CSMD3: variants seen among roughly 807,000 people sequenced by gnomAD.
CSMD3 encodes the protein CUB and Sushi multiple domains 3, also known as CUB and sushi domain-containing protein 3.
In CSMD3, 177 loss-of-function variants were observed where a neutral mutation model predicts 435.2. The observed-to-expected ratio is 0.41, with a 90% CI of 0.36 to 0.46. The LOEUF is 0.46. CSMD3 is among the 20% of genes least tolerant of loss of function. The pLI, the probability that CSMD3 is intolerant of heterozygous loss-of-function variation, is 0.34. For synonymous variants in CSMD3, 1,656 were observed against 1,520.5 expected (o/e 1.09, Z -2.07); for missense variants, 4,265 against 4,504.6 (o/e 0.95, Z 1.52).
At chr8:113,158,081 T>C (rs919804497) in intron 4 of CSMD3, among the ~76,000 whole-genome samples, 5 of 149,658 alleles carry the variant, frequency 3.3e-5, no homozygotes, top group Non-Finnish European at 5.9e-5. Context: ...ATACCCAGAA[T>C]AGAAAAAAAT....
chr8:113,133,795 G>T (rs186822248), intron 4 of CSMD3, among the ~76,000 whole-genome samples: 1 of 151,968 alleles, frequency 6.6e-6, no homozygotes, highest in Non-Finnish European at 1.5e-5. Context: ...AAATAAATCC[G>T]TTATCAAAAT....
intron 45 of CSMD3, among the ~76,000 whole-genome samples, chr8:112,326,407 G>T (rs571340848): frequency 2.4e-4 from 37 of 152,114 alleles, no homozygotes; most frequent in Non-Finnish European, 4.9e-4. Flanking sequence ...TCTGCTGTTG[G>T]CTATTTCCAT....
chr8:112,382,173 A>G (rs1829521121), intron 37 of CSMD3, among the ~76,000 whole-genome samples: 1 of 151,542 alleles, frequency 6.6e-6, no homozygotes, highest in Admixed American at 6.6e-5. Context: ...AGTCCCAGCT[A>G]CTCAGGAAGC....
intron 12 of CSMD3, among the ~76,000 whole-genome samples, chr8:112,823,760 A>G (rs964428444): frequency 1.3e-5 from 2 of 152,176 alleles, no homozygotes; most frequent in Non-Finnish European, 2.9e-5. Context: ...CAATTTTAGA[A>G]TAAAGGCCAT....
At chr8:112,227,560 T>G (rs1812685255) in intron 70 of CSMD3, among the ~76,000 whole-genome samples, 2 of 152,206 alleles carry the variant, frequency 1.3e-5, no homozygotes, top group African/African-American at 4.8e-5. Flanking sequence ...ATAAGGTTTA[T>G]ATCATATCTA....
At chr8:113,317,226 G>T (rs2132686101) in intron 1 of CSMD3, among the ~76,000 whole-genome samples, 1 of 152,234 alleles carries the variant, frequency 6.6e-6, no homozygotes, top group East Asian at 1.9e-4. Flanking sequence ...ATTGCTTCTT[G>T]CAGAGCAATT....
chr8:112,938,777 C>T lies in CSMD3; in HGVS notation c.1508+9013G>A, dbSNP rs79818074. ...ATAATGCCAGAAAGTTAGGTTTCCACTACATTGAGGAAGAATTTAAATGCT... is the reference window on the plus strand; with the variant it reads ...ATAATGCCAGAAAGTTAGGTTTCCATTACATTGAGGAAGAATTTAAATGCT... On this transcript the variant is annotated intron_variant, in intron 9 of 70. Transcript: ENST00000297405. Among the ~76,000 whole-genome samples, 289 of 152,042 alleles carry T rather than the reference C, an allele frequency of 1.9e-3. 3 individuals carry two copies. The highest frequency in any genetic ancestry group is 6.6e-3 in the African/African-American group (273 of 41,458).
chr8:112,903,835 C>T lies in CSMD3; in HGVS notation c.1633+17792G>A, dbSNP rs968117333. On this transcript the variant is annotated intron_variant, in intron 10 of 70. Coordinates refer to ENST00000297405, the MANE Select transcript of CSMD3 (RefSeq NM_198123.2). ...CTAGATATTTTTTCTACCTTTATTCCGAAAGCTGTCACTCTGTCATTCCAC... is the reference window on the plus strand; with the variant it reads ...CTAGATATTTTTTCTACCTTTATTCTGAAAGCTGTCACTCTGTCATTCCAC... Among the ~76,000 whole-genome samples the T allele has an allele frequency of 8.6e-5, 13 of 151,152 alleles. No homozygotes were observed. In the East Asian group the frequency reaches 1.4e-3, roughly 16 times the overall value.
chr8:113,266,645 T>A (rs1240229264), intron 3 of CSMD3, among the ~76,000 whole-genome samples: 2 of 151,646 alleles, frequency 1.3e-5, no homozygotes, highest in African/African-American at 4.8e-5. Flanking sequence ...ACTTAATAAA[T>A]GTTTCTTAGT....
chr8:112,406,590 C>A lies in CSMD3; in HGVS notation c.5743G>T (p.Ala1915Ser). Residue 1915 changes from alanine to serine, a missense_variant, in exon 35 of 71, where the codon GCA (alanine) becomes TCA (serine). Transcript: ENST00000297405. ...NPGYILHGSIAIRCETVPNSL... is the reference protein window; with the variant it reads ...NPGYILHGSISIRCETVPNSL... ...TTGGGCACTGTTTCACACCTAATTGCTATGGATCCATGGAGAATATATCCT... is the reference window on the plus strand; with the variant it reads ...TTGGGCACTGTTTCACACCTAATTGATATGGATCCATGGAGAATATATCCT... The A allele has an allele frequency of 6.2e-7, 1 of 1,612,844 alleles. No individual in the cohort carries two copies. Among genetic ancestry groups the A allele is most frequent in the African/African-American group, 1.3e-5 (1 of 74,988 alleles).
intron 2 of CSMD3, among the ~76,000 whole-genome samples, chr8:113,287,080 A>G (rs939772341): frequency 6.6e-6 from 1 of 152,024 alleles, no homozygotes; most frequent in Admixed American, 6.6e-5. Flanking sequence ...TTTTTGGATA[A>G]CAAATTGTCA....
chr8:113,422,535 G>C (rs1314086283), intron 1 of CSMD3, among the ~76,000 whole-genome samples: 4 of 152,106 alleles, frequency 2.6e-5, no homozygotes, highest in Non-Finnish European at 4.4e-5. Flanking sequence ...TTGCAGTAAA[G>C]TTTTGGGGCC....
chr8:112,995,769 C>A (rs1324933925), intron 6 of CSMD3, among the ~76,000 whole-genome samples: 1 of 151,426 alleles, frequency 6.6e-6, no homozygotes, highest in Non-Finnish European at 1.5e-5. Flanking sequence ...ATTTAACCTG[C>A]AAAATGCAAT....
intron 22 of CSMD3, among the ~76,000 whole-genome samples, chr8:112,600,364 C>T (rs1408530721): frequency 6.6e-6 from 1 of 152,030 alleles, no homozygotes; most frequent in East Asian, 1.9e-4. Context: ...TTTTTGAATA[C>T]TGCATATTGG....
intron 1 of CSMD3, among the ~76,000 whole-genome samples, chr8:113,385,204 A>G (rs900509320): frequency 1.3e-5 from 2 of 152,152 alleles, no homozygotes; most frequent in African/African-American, 4.8e-5. Flanking sequence ...ATCTGCAGGC[A>G]CTGAAAGTAG....
At chr8:113,358,120 T>C (rs1478248803) in intron 1 of CSMD3, among the ~76,000 whole-genome samples, 2 of 152,204 alleles carry the variant, frequency 1.3e-5, no homozygotes, top group Non-Finnish European at 2.9e-5. Context: ...TAAGCACCAA[T>C]ATAATATTGT....
intron 30 of CSMD3, among the ~76,000 whole-genome samples, chr8:112,499,489 T>A (rs144091955): frequency 6.6e-6 from 1 of 152,076 alleles, no homozygotes; most frequent in Admixed American, 6.5e-5. Flanking sequence ...CATTAGATGA[T>A]ACAAATTTCT....
At chr8:112,942,515 C>A (rs540431278) in intron 9 of CSMD3, among the ~76,000 whole-genome samples, 1 of 151,558 alleles carries the variant, frequency 6.6e-6, no homozygotes, top group Admixed American at 6.6e-5. Context: ...ATATATACTG[C>A]GAAATACTAT....
intron 5 of CSMD3, among the ~76,000 whole-genome samples, chr8:113,076,590 T>C (rs1465212619): frequency 1.3e-5 from 2 of 152,086 alleles, no homozygotes; most frequent in Non-Finnish European, 2.9e-5. Context: ...AATTTAGACA[T>C]AGAGCTATCA....
Sources: gnomAD v4.1 joint callset for allele counts (sites outside exome capture counted in the v4.1 genomes callset) on GRCh38, gnomAD v4.1.1 for gene constraint, MANE v1.5 for transcripts, NCBI Gene and HGNC (gene_info 2026-07-23, HGNC 2026-07-21) for gene names.